PDGFD: variants seen among roughly 807,000 people sequenced by gnomAD.
The protein encoded by PDGFD is platelet-derived growth factor D.
PDGFD carries 30 observed loss-of-function variants against 44.7 expected under a neutral mutation model. The ratio of observed to expected loss-of-function variants is 0.67; its 90% CI spans 0.50 to 0.91. The LOEUF (loss-of-function observed/expected upper bound fraction) is 0.91, where lower values mean the gene tolerates loss of function less well. PDGFD is among the 40% of genes least tolerant of loss of function. The pLI is 0.00. For missense variants in PDGFD, 445 were observed against 457.8 expected (o/e 0.97, Z 0.25); for synonymous variants, 173 against 168.4 (o/e 1.03, Z -0.21).
chr11:104,034,644 AC>A (rs1161857589), intron 1 of PDGFD, among the ~76,000 whole-genome samples: 2 of 120,340 alleles, frequency 1.7e-5, no homozygotes, highest in Non-Finnish European at 3.6e-5. Context: ...AGTGCAAAAC[AC>A]TTTTTTTTTT....
chr11:104,134,607 T>C (rs1157829759), intron 1 of PDGFD, among the ~76,000 whole-genome samples: 1 of 152,230 alleles, frequency 6.6e-6, no homozygotes, highest in Admixed American at 6.5e-5. Flanking sequence ...TATTAAGCAC[T>C]TCCAATGTGT....
intron 1 of PDGFD, among the ~76,000 whole-genome samples, chr11:104,002,538 C>T (rs1434546123): frequency 1.3e-5 from 2 of 152,220 alleles, no homozygotes; most frequent in South Asian, 4.1e-4. Flanking sequence ...GCCAATTAAA[C>T]CTCTGTTCTT....
At chr11:104,014,060 A>C (rs1352529872) in intron 1 of PDGFD, among the ~76,000 whole-genome samples, 4 of 152,196 alleles carry the variant, frequency 2.6e-5, no homozygotes, top group Non-Finnish European at 5.9e-5. Flanking sequence ...GTCTATGTTA[A>C]ATAGAAAAAA....
chr11:104,020,522 C>T (rs1055679510), intron 1 of PDGFD, among the ~76,000 whole-genome samples: 1 of 152,004 alleles, frequency 6.6e-6, no homozygotes, highest in African/African-American at 2.4e-5. Flanking sequence ...ATCACATATG[C>T]ATTTTAAATA....
At chr11:104,063,408 GT>G (rs1565324590) in intron 1 of PDGFD, among the ~76,000 whole-genome samples, 1 of 151,592 alleles carries the variant, frequency 6.6e-6, no homozygotes, top group African/African-American at 2.4e-5. Flanking sequence ...CAATAATTAG[GT>G]TATCCTGGGA....
At position 103,927,010 on chromosome 11, in the gene PDGFD, G is replaced by C; in HGVS notation, c.889C>G (p.Leu297Val). ...LANVVFFPRC[L>V]LVQRCGGNCG... The stretch of plus-strand genomic sequence containing the variant: ...TTTCCTCCACAGCGCTGCACGAGGA[G>C]GCAACGTGGAAAGAAGACCACATTG... Residue 297 changes from leucine to valine, a missense_variant, in exon 6 of 7, where the codon CTC (leucine) becomes GTC (valine). By Grantham distance (32) the Leu-to-Val change is conservative (BLOSUM62 1). Transcript: ENST00000393158. 1 of 1,614,182 alleles carries C rather than the reference G, an allele frequency of 6.2e-7. No individual in the cohort carries two copies. Among genetic ancestry groups the C allele is most frequent in the Non-Finnish European group, 8.5e-7 (1 of 1,180,030 alleles).
At chr11:104,015,168 G>A (rs1371894597) in intron 1 of PDGFD, among the ~76,000 whole-genome samples, 1 of 152,070 alleles carries the variant, frequency 6.6e-6, no homozygotes, top group Non-Finnish European at 1.5e-5. Flanking sequence ...AAGAATACTT[G>A]CTTTTAAATC....
chr11:104,160,372 C>T (rs769276742), intron 1 of PDGFD, among the ~76,000 whole-genome samples: 4 of 152,202 alleles, frequency 2.6e-5, no homozygotes, highest in Admixed American at 1.3e-4. Context: ...AGCCCCTAGG[C>T]AGGAAGTTCC....
intron 1 of PDGFD, among the ~76,000 whole-genome samples, chr11:104,013,609 T>G (rs1219324089): frequency 6.6e-6 from 1 of 151,898 alleles, no homozygotes; most frequent in East Asian, 1.9e-4. Flanking sequence ...AGACCTAACT[T>G]CCAATAGAGT....
intron 3 of PDGFD, among the ~76,000 whole-genome samples, chr11:103,989,440 C>T (rs557923558): frequency 6.6e-6 from 1 of 152,344 alleles, no homozygotes; most frequent in Non-Finnish European, 1.5e-5. Flanking sequence ...CCCAGGGGTT[C>T]TGGTACATAC....
Position 103,969,486 on chromosome 11 carries a change from T to G in PDGFD, c.511-21762A>C, listed in dbSNP as rs1591100168. 3.4e-5 allele frequency among the ~76,000 whole-genome samples: 5 copies of G among 148,484 alleles called. No homozygotes were observed. In the South Asian group the frequency reaches 1.1e-3, roughly 32 times the overall value. Reference sequence around the variant, plus strand: ...TACACCAAGCCTGGTTTTTTTTTTTTTTTTTTTTTTTTCCTGGAAGTGGTT... The same window carrying G: ...TACACCAAGCCTGGTTTTTTTTTTTGTTTTTTTTTTTTCCTGGAAGTGGTT... On this transcript the variant is annotated intron_variant, in intron 3 of 6. Coordinates refer to ENST00000393158, the MANE Select transcript of PDGFD (RefSeq NM_025208.5).
chr11:104,059,819 A>G (rs1860683162), intron 1 of PDGFD, among the ~76,000 whole-genome samples: 1 of 152,238 alleles, frequency 6.6e-6, no homozygotes, highest in Non-Finnish European at 1.5e-5. Context: ...TTCTACTAAA[A>G]TGAGAACAGG....
At chr11:103,985,919 C>A (rs1859355992) in intron 3 of PDGFD, among the ~76,000 whole-genome samples, 1 of 152,112 alleles carries the variant, frequency 6.6e-6, no homozygotes, top group South Asian at 2.1e-4. Context: ...AGCCAAGAAG[C>A]AATGATTACT....
intron 1 of PDGFD, among the ~76,000 whole-genome samples, chr11:104,066,785 C>T (rs892259078): frequency 1.3e-5 from 2 of 152,116 alleles, no homozygotes; most frequent in South Asian, 4.1e-4. Flanking sequence ...CTGGCACTGG[C>T]ATAGTTCATA....
At chr11:103,997,723 A>G (rs1305923140) in intron 2 of PDGFD, among the ~76,000 whole-genome samples, 1 of 152,220 alleles carries the variant, frequency 6.6e-6, no homozygotes, top group Non-Finnish European at 1.5e-5. Flanking sequence ...CATGTAAATC[A>G]TATTTACTGC....
Position 104,000,188 on chromosome 11 carries a change from C to T in PDGFD, c.192G>A (p.Val64=). 6.2e-7 allele frequency: 1 copy of T among 1,614,050 alleles called. No homozygotes were observed. The highest frequency in any genetic ancestry group is 8.5e-7 in the Non-Finnish European group (1 of 1,179,978). Reference sequence around the variant, plus strand: ...AGCTGTTCGGGAATCTAGGACTCTGCACGTAGCCGTTTCCTTTCACCTGGA... The same window carrying T: ...AGCTGTTCGGGAATCTAGGACTCTGTACGTAGCCGTTTCCTTTCACCTGGA... ...ETIQVKGNGY[V]QSPRFPNSYP... is the part of the protein sequence containing the mutation. Residue 64 remains valine, a synonymous_variant, in exon 2 of 7, where the codon GTG becomes GTA. Coordinates refer to ENST00000393158, the MANE Select transcript of PDGFD (RefSeq NM_025208.5).
At chr11:103,931,364 T>A (rs779535037) in intron 5 of PDGFD, among the ~76,000 whole-genome samples, 1 of 152,194 alleles carries the variant, frequency 6.6e-6, no homozygotes, top group Non-Finnish European at 1.5e-5. Flanking sequence ...GTTCTCCACA[T>A]GCACAATAAT....
At chr11:104,055,316 T>C (rs1591141617) in intron 1 of PDGFD, among the ~76,000 whole-genome samples, 1 of 152,248 alleles carries the variant, frequency 6.6e-6, no homozygotes, top group East Asian at 1.9e-4. Flanking sequence ...TTTTCATTGT[T>C]GTATGTTTGA....
chr11:103,924,212 A>G (rs911799780), intron 6 of PDGFD, among the ~76,000 whole-genome samples: 2 of 152,242 alleles, frequency 1.3e-5, no homozygotes, highest in Non-Finnish European at 2.9e-5. Context: ...ATAAAAATAA[A>G]GCACTCCACA....
Sources: gnomAD v4.1 joint callset for allele counts (sites outside exome capture counted in the v4.1 genomes callset) on GRCh38, gnomAD v4.1.1 for gene constraint, MANE v1.5 for transcripts, NCBI Gene and HGNC (gene_info 2026-07-23, HGNC 2026-07-21) for gene names.